The following CASR variants were observed in gnomAD, a reference collection of about 807,000 sequenced individuals.
CASR encodes extracellular calcium-sensing receptor.
Under a neutral mutation model 69.1 loss-of-function variants are expected in CASR, and 23 were observed. That is an observed-to-expected ratio of 0.33 (90% CI 0.24 to 0.47). CASR has a LOEUF of 0.47. Ranked by LOEUF, CASR falls within the 20% of genes least tolerant of loss-of-function variation. The pLI, the probability that CASR is intolerant of heterozygous loss-of-function variation, is 1.00. For synonymous variants in CASR, 541 were observed against 544.7 expected (o/e 0.99, Z 0.10); for missense variants, 924 against 1,356.1 (o/e 0.68, Z 5.00).
intron 1 of CASR, among the ~76,000 whole-genome samples, chr3:122,228,626 C>A (rs1214942526): frequency 1.3e-5 from 2 of 152,186 alleles, no homozygotes; most frequent in Non-Finnish European, 2.9e-5. Flanking sequence ...GGACTGCTCA[C>A]TTAGAAGAGT....
chr3:122,202,687 A>AT (rs1391420993), intron 1 of CASR, among the ~76,000 whole-genome samples: 1 of 151,932 alleles, frequency 6.6e-6, no homozygotes. Context: ...TGAATTTATC[A>AT]TTTTTTCTTT....
intron 1 of CASR, among the ~76,000 whole-genome samples, chr3:122,189,688 C>A (rs989943808): frequency 1.3e-5 from 2 of 152,172 alleles, no homozygotes; most frequent in African/African-American, 2.4e-5. Context: ...AATTTGACTT[C>A]TTCCTCCCAT....
At chr3:122,189,155 T>C (rs1487422468) in intron 1 of CASR, among the ~76,000 whole-genome samples, 2 of 152,252 alleles carry the variant, frequency 1.3e-5, no homozygotes, top group African/African-American at 2.4e-5. Context: ...GATCAGCCTC[T>C]GCCGTGGACA....
At chr3:122,216,160 T>G (rs2074115731) in intron 1 of CASR, among the ~76,000 whole-genome samples, 1 of 152,236 alleles carries the variant, frequency 6.6e-6, no homozygotes, top group Non-Finnish European at 1.5e-5. Flanking sequence ...TCTTGATGGG[T>G]ACACCTCCTA....
rs1553768941 is a variant in CASR at position 122,283,808 on chromosome 3, C to T, written c.1854C>T (p.Leu618=). 1.9e-6 allele frequency: 3 copies of T among 1,614,204 alleles called. No individual in the cohort carries two copies. Among genetic ancestry groups the T allele is most frequent in the Non-Finnish European group, 2.5e-6 (3 of 1,180,034 alleles). Residue 618 remains leucine (L), a synonymous_variant, in exon 7 of 7, where the codon CTC becomes CTT. Transcript: ENST00000639785. ...AGCCCTTTGGGATCGCACTCACCCT[C>T]TTTGCCGTGCTGGGCATTTTCCTGA... is the stretch of plus-strand genomic sequence containing the variant. ...WTEPFGIALT[L]FAVLGIFLTA...
chr3:122,187,228 CT>C (rs2073794554), intron 1 of CASR, among the ~76,000 whole-genome samples: 2 of 152,104 alleles, frequency 1.3e-5, no homozygotes, highest in African/African-American at 4.8e-5. Flanking sequence ...TAATATCTTC[CT>C]TCCATCCCTA....
At chr3:122,248,070 A>G (rs969375772) in intron 1 of CASR, among the ~76,000 whole-genome samples, 10 of 152,248 alleles carry the variant, frequency 6.6e-5, no homozygotes, top group Non-Finnish European at 1.2e-4. Flanking sequence ...TGGCAGGCAG[A>G]CAGCAGAAGC....
intron 1 of CASR, among the ~76,000 whole-genome samples, chr3:122,244,771 G>T (rs2074410959): frequency 6.6e-6 from 1 of 152,032 alleles, no homozygotes; most frequent in South Asian, 2.1e-4. Flanking sequence ...AAGAGTGAGA[G>T]AAAGATAAGG....
At chr3:122,212,103 G>A (rs1300433570) in intron 1 of CASR, among the ~76,000 whole-genome samples, 1 of 152,034 alleles carries the variant, frequency 6.6e-6, no homozygotes, top group Non-Finnish European at 1.5e-5. Context: ...AAACATACAT[G>A]GACACTTATG....
At chr3:122,211,237 T>C (rs912103272) in intron 1 of CASR, among the ~76,000 whole-genome samples, 4 of 151,940 alleles carry the variant, frequency 2.6e-5, no homozygotes, top group African/African-American at 9.7e-5. Context: ...AACTGACAAA[T>C]GGGATCTAAT....
Position 122,286,485 on chromosome 3 carries a change from G to A in CASR, c.*1294G>A, listed in dbSNP as rs1327179830. 6.6e-6 allele frequency: 1 copy of A among 152,112 alleles called. No homozygotes were observed. Among genetic ancestry groups the A allele is most frequent in the Non-Finnish European group, 1.5e-5 (1 of 68,020 alleles). The allele number at this position is 152,112 out of a possible 1,614,324, so 9.4% of individuals were successfully genotyped here. A position where few individuals can be genotyped will look rare whatever the true frequency, so the allele number is the denominator to read the frequency against. The stretch of plus-strand genomic sequence containing the variant: ...CACAATAAGCATTCAATAAATATTA[G>A]TTAATATTATTACTGATACTGTAAT... On this transcript the variant is annotated 3_prime_UTR_variant, in exon 7 of 7. Transcript: ENST00000639785.
chr3:122,270,755 G>T (rs1195219898), intron 4 of CASR, among the ~76,000 whole-genome samples: 1 of 151,680 alleles, frequency 6.6e-6, no homozygotes, highest in East Asian at 1.9e-4. Flanking sequence ...TTCTTCTTTG[G>T]CTCTCAGGTT....
Position 122,284,132 on chromosome 3 carries a change from G to A in CASR, c.2178G>A (p.Leu726=). Reference sequence around the variant, plus strand: ...GGTGGGGGCTCAACCTGCAGTTCCTGCTGGTTTTCCTCTGCACCTTCATGC... The same window carrying A: ...GGTGGGGGCTCAACCTGCAGTTCCTACTGGTTTTCCTCTGCACCTTCATGC... ...RKWWGLNLQF[L]LVFLCTFMQI... is the part of the protein sequence containing the mutation. The change falls in exon 7 of 7, where the codon CTG becomes CTA. Residue 726 remains leucine, a synonymous_variant. Transcript: ENST00000639785. 3 of 1,613,876 alleles carry A rather than the reference G, an allele frequency of 1.9e-6. No individual in the cohort carries two copies. The highest frequency in any genetic ancestry group is 2.2e-5 in the South Asian group (2 of 91,072).
At chr3:122,195,318 T>C (rs2073878949) in intron 1 of CASR, among the ~76,000 whole-genome samples, 1 of 152,226 alleles carries the variant, frequency 6.6e-6, no homozygotes, top group East Asian at 1.9e-4. Context: ...GTGTTTGTGT[T>C]ACAGGTTCAT....
Position 122,254,011 on chromosome 3 carries a change from A to G in CASR, c.-179A>G. The G allele has an allele frequency of 1.4e-6, 1 of 695,350 alleles. No homozygotes were observed. Among genetic ancestry groups the G allele is most frequent in the East Asian group, 2.7e-5 (1 of 37,592 alleles). 43.1% of individuals were successfully genotyped at this position (695,350 alleles called of 1,614,324 possible). On this transcript the variant is annotated 5_prime_UTR_variant, in exon 2 of 7. Coordinates refer to ENST00000639785, the MANE Select transcript of CASR (RefSeq NM_000388.4). ...AAGACTCAAGGACCACCCACATTAC[A>G]AGTCTGGATTGAGGAAGGCAGAAAT...
At chr3:122,203,839 C>T (rs1168199175) in intron 1 of CASR, among the ~76,000 whole-genome samples, 9 of 152,156 alleles carry the variant, frequency 5.9e-5, no homozygotes, top group Admixed American at 5.9e-4. Context: ...TATGGGACCA[C>T]CATGGTATAT....
intron 4 of CASR, among the ~76,000 whole-genome samples, chr3:122,265,411 A>C (rs1312746390): frequency 1.3e-5 from 2 of 151,976 alleles, no homozygotes; most frequent in Non-Finnish European, 2.9e-5. Flanking sequence ...GGAGACCCCC[A>C]AGCCCTCCTC....
rs199690513 is a variant in CASR at position 122,290,092 on chromosome 3, AAAAG to A, written c.*4904_*4907del. ...AGCAAGACCCTGCCAAAAAAAAAAA[AAAAG>A]AAGAAGAAAAACAATTTTATTGGTA... On this transcript the variant is annotated 3_prime_UTR_variant, in exon 7 of 7. Coordinates refer to ENST00000639785, the MANE Select transcript of CASR (RefSeq NM_000388.4). 4.0e-4 allele frequency: 60 copies of A among 151,034 alleles called. No individual in the cohort carries two copies. The highest frequency in any genetic ancestry group is 2.9e-3 in the Admixed American group (43 of 15,020). The allele number at this position is 151,034 out of a possible 1,614,324, so 9.4% of individuals were successfully genotyped here. A position where few individuals can be genotyped will look rare whatever the true frequency, so the allele number is the denominator to read the frequency against.
At chr3:122,282,473 C>T (rs1411047694) in intron 6 of CASR, among the ~76,000 whole-genome samples, 5 of 152,246 alleles carry the variant, frequency 3.3e-5, no homozygotes, top group African/African-American at 1.2e-4. Flanking sequence ...TCTCTTACTT[C>T]ATATTGTCGG....
Sources: gnomAD v4.1 joint callset for allele counts (sites outside exome capture counted in the v4.1 genomes callset) on GRCh38, gnomAD v4.1.1 for gene constraint, MANE v1.5 for transcripts, NCBI Gene and HGNC (gene_info 2026-07-23, HGNC 2026-07-21) for gene names.